Variants in EGFR observed in about 807,000 individuals in gnomAD.
The protein encoded by EGFR is epidermal growth factor receptor, also known as avian erythroblastic leukemia viral (v-erb-b) oncogene homolog.
A neutral mutation model predicts 143.0 loss-of-function variants in EGFR; 58 were observed. That is an observed-to-expected ratio of 0.41 (90% CI 0.33 to 0.50). The LOEUF is 0.50. Among genes scored for constraint, EGFR ranks in the 20% least tolerant of loss-of-function variants. The pLI is 0.39. For synonymous variants in EGFR, 613 were observed against 594.4 expected, an observed-to-expected ratio of 1.03 and a Z score of -0.45; for missense variants, 1,307 against 1,579.0, an observed-to-expected ratio of 0.83 and a Z score of 2.92.
intron 4 of EGFR, among the ~76,000 whole-genome samples, chr7:55,150,232 T>C (rs1785081486): frequency 6.6e-6 from 1 of 152,250 alleles, no homozygotes; most frequent in Admixed American, 6.5e-5. Context: ...AAGAATGGGA[T>C]TGCACGCTAC....
intron 21 of EGFR, among the ~76,000 whole-genome samples, 183 bp downstream of exon 21, chr7:55,192,057 C>A (rs1479914771): frequency 6.6e-6 from 1 of 152,166 alleles, no homozygotes; most frequent in Non-Finnish European, 1.5e-5. Context: ...TGAGCCAGAG[C>A]TGCTTTGGGA....
chr7:55,167,263 G>T (rs845547), intron 15 of EGFR, among the ~76,000 whole-genome samples: 3,132 of 6,458 alleles, frequency 0.48, 1,234 homozygotes, highest in Middle Eastern at 0.75. Context: ...GGTGGTGGTG[G>T]TGATGGTGGT....
At chr7:55,019,566 G>T (rs954615915) in intron 1 of EGFR, among the ~76,000 whole-genome samples, 1 of 152,054 alleles carries the variant, frequency 6.6e-6, no homozygotes, top group Non-Finnish European at 1.5e-5. Context: ...AGAGTCTGGG[G>T]CGGGCGGAGG....
intron 20 of EGFR, chr7:55,182,581 T>G (rs967104165): frequency 6.6e-6 from 1 of 152,218 alleles, no homozygotes; most frequent in Non-Finnish European, 1.5e-5. Flanking sequence ...TTGGGTAAGC[T>G]CCTTCCCATG....
intron 1 of EGFR, chr7:55,109,978 G>A: frequency 3.1e-6 from 3 of 982,872 alleles, no homozygotes; most frequent in African/African-American, 1.7e-5. Context: ...TACATGAGGA[G>A]GCACAGAAAG....
chr7:55,120,816 C>T (rs1205344160), intron 1 of EGFR, among the ~76,000 whole-genome samples: 2 of 152,174 alleles, frequency 1.3e-5, no homozygotes, highest in Non-Finnish European at 2.9e-5. Context: ...GGTTACAGCA[C>T]CTACAGTTAT....
At chr7:55,079,957 C>T (rs2128889267) in intron 1 of EGFR, among the ~76,000 whole-genome samples, 1 of 152,328 alleles carries the variant, frequency 6.6e-6, no homozygotes, top group East Asian at 1.9e-4. Context: ...CTTATCTTTC[C>T]AACCTCTTAC....
chr7:55,078,744 A>G (rs1435095160), intron 1 of EGFR, among the ~76,000 whole-genome samples: 1 of 152,176 alleles, frequency 6.6e-6, no homozygotes, highest in Non-Finnish European at 1.5e-5. Flanking sequence ...AGGAGGACAG[A>G]GAGGGGACAT....
intron 1 of EGFR, among the ~76,000 whole-genome samples, chr7:55,141,869 T>C (rs991836127): frequency 2.6e-5 from 4 of 152,232 alleles, no homozygotes; most frequent in Admixed American, 2.6e-4. Context: ...GTGAAATTTA[T>C]TTTTTGCCTA....
intron 1 of EGFR, among the ~76,000 whole-genome samples, chr7:55,033,938 A>G (rs545010699): frequency 3.9e-4 from 59 of 151,814 alleles, no homozygotes; most frequent in Middle Eastern, 3.4e-3. Context: ...TGCTCTTTTT[A>G]CCTTAGGACT....
chr7:55,024,081 T>C (rs115885668), intron 1 of EGFR, among the ~76,000 whole-genome samples: 1 of 152,202 alleles, frequency 6.6e-6, no homozygotes, highest in Non-Finnish European at 1.5e-5. Context: ...GATAAAGCTT[T>C]CTTGCTACAC....
intron 4 of EGFR, among the ~76,000 whole-genome samples, chr7:55,148,718 C>G (rs1052144620): frequency 6.6e-6 from 1 of 152,110 alleles, no homozygotes; most frequent in Non-Finnish European, 1.5e-5. Context: ...CACCATCGAC[C>G]TGATACCTGA....
At chr7:55,185,873 G>C (rs138683125) in intron 20 of EGFR, among the ~76,000 whole-genome samples, 1 of 152,222 alleles carries the variant, frequency 6.6e-6, no homozygotes, top group Non-Finnish European at 1.5e-5. Flanking sequence ...CAAAGAAAAC[G>C]TCAAAGGCTC....
Position 55,199,840 on chromosome 7 carries a change from G to A in EGFR, c.2849-476G>A, listed in dbSNP as rs188323174. On this transcript the variant is annotated intron_variant, in intron 23 of 27. Transcript: ENST00000275493. Reference sequence around the variant, plus strand: ...ACTTGCATGCATGCCCACTGGGTATGTGCTGTACTGGAGACGCCGGGGGTA... The same window carrying A: ...ACTTGCATGCATGCCCACTGGGTATATGCTGTACTGGAGACGCCGGGGGTA... Among the ~76,000 whole-genome samples the A allele has an allele frequency of 1.6e-4, 25 of 152,348 alleles. No individual in the cohort carries two copies. The East Asian group carries it at 4.4e-3, about 27-fold the overall frequency.
At chr7:55,046,904 CTAAT>C (rs1165309711) in intron 1 of EGFR, among the ~76,000 whole-genome samples, 1 of 152,108 alleles carries the variant, frequency 6.6e-6, no homozygotes, top group Non-Finnish European at 1.5e-5. Flanking sequence ...GTGTCCACAT[CTAAT>C]TAATAGTACA....
intron 20 of EGFR, among the ~76,000 whole-genome samples, chr7:55,187,723 C>T (rs779389345): frequency 3.3e-5 from 5 of 152,162 alleles, no homozygotes; most frequent in Non-Finnish European, 7.3e-5. Flanking sequence ...CTCCTGGTGA[C>T]CACTCTGCTT....
intron 1 of EGFR, among the ~76,000 whole-genome samples, chr7:55,067,156 G>A (rs952743782): frequency 5.9e-5 from 9 of 151,864 alleles, no homozygotes; most frequent in East Asian, 1.9e-4. Context: ...CTGCACCTGC[G>A]TGAGCACAGC....
At chr7:55,166,164 C>CA (rs201695298) in intron 15 of EGFR, 7,651 of 422,162 alleles carry the variant, frequency 0.018, 39 homozygotes, top group Middle Eastern at 0.029. Context: ...AAAACAAAAA[C>CA]AAAAAAAAAA....
chr7:55,032,619 T>C (rs1366303329), intron 1 of EGFR, among the ~76,000 whole-genome samples: 2 of 152,170 alleles, frequency 1.3e-5, no homozygotes, highest in African/African-American at 2.4e-5. Flanking sequence ...AAGTTGATGA[T>C]TCCATCTTTG....
Sources: allele counts gnomAD v4.1 joint callset (sites outside exome capture counted in the v4.1 genomes callset), GRCh38; gene constraint gnomAD v4.1.1; transcripts MANE v1.5; gene names NCBI Gene and HGNC (gene_info 2026-07-23, HGNC 2026-07-21).